Variants in ABTB2 observed in about 807,000 individuals in gnomAD.
The protein encoded by ABTB2 is ankyrin repeat and BTB/POZ domain-containing protein 2.
In ABTB2, 56 loss-of-function variants were observed where a neutral mutation model predicts 104.1. That is an observed-to-expected ratio of 0.54 (90% confidence interval 0.43 to 0.67). The LOEUF is 0.67. ABTB2 is among the 30% of genes least tolerant of loss of function. The pLI is 0.00. For missense variants in ABTB2, 1,279 were observed against 1,407.7 expected, an observed-to-expected ratio of 0.91 and a Z score of 1.46; for synonymous variants, 606 against 608.2, an observed-to-expected ratio of 1.00 and a Z score of 0.05.
At chr11:34,212,217 C>T (rs1211589009) in intron 1 of ABTB2, among the ~76,000 whole-genome samples, 4 of 151,980 alleles carry the variant, frequency 2.6e-5, no homozygotes, top group Admixed American at 6.6e-5. Context: ...CCACCATGCT[C>T]GGCTAATTTT....
chr11:34,342,494 A>G (rs754857569), intron 1 of ABTB2, among the ~76,000 whole-genome samples: 14 of 152,246 alleles, frequency 9.2e-5, no homozygotes, highest in Non-Finnish European at 1.8e-4. Flanking sequence ...TGAGGACTTC[A>G]GAGCTCAAAG....
chr11:34,204,784 C>G, intron 1 of ABTB2, 94 bp from the exon 2 acceptor site: 3 of 1,374,618 alleles, frequency 2.2e-6, no homozygotes, highest in Non-Finnish European at 3.0e-6. Flanking sequence ...CCCTGCTCCC[C>G]TGCTCTTGAC....
chr11:34,209,243 G>A (rs982625041), intron 1 of ABTB2, among the ~76,000 whole-genome samples: 1 of 151,966 alleles, frequency 6.6e-6, no homozygotes, highest in Non-Finnish European at 1.5e-5. Flanking sequence ...CTACTCAGGA[G>A]GCTGAGGTGA....
chr11:34,229,905 C>T (rs575322003), intron 1 of ABTB2, among the ~76,000 whole-genome samples: 28 of 152,166 alleles, frequency 1.8e-4, no homozygotes, highest in Non-Finnish European at 3.2e-4. Context: ...TTGGAACGGG[C>T]CTTTAAATGT....
chr11:34,345,638 C>T (rs1855322092), intron 1 of ABTB2, among the ~76,000 whole-genome samples: 1 of 152,024 alleles, frequency 6.6e-6, no homozygotes, highest in African/African-American at 2.4e-5. Context: ...CATTGCGATG[C>T]CTTCTCAGAG....
Position 34,197,317 on chromosome 11 carries a change from A to T in ABTB2, c.1244+8T>A. On this transcript the variant is annotated splice_region_variant and intron_variant, in intron 3 of 16. Coordinates refer to ENST00000435224, the MANE Select transcript of ABTB2 (RefSeq NM_145804.3). ...CCACCAGGTGCTCAGCCCAAGGAAG[A>T]TCCCTACCGTTCATTGTTCAAGGTC... The T allele has an allele frequency of 6.2e-7, 1 of 1,613,458 alleles. No individual in the cohort carries two copies. Among genetic ancestry groups the T allele is most frequent in the East Asian group, 2.2e-5 (1 of 44,830 alleles).
rs747191521 is a variant in ABTB2, at chr11:34,356,663, G to C, written c.883+38C>G. On this transcript the variant is annotated intron_variant, in intron 1 of 16. Coordinates refer to ENST00000435224, the MANE Select transcript of ABTB2 (RefSeq NM_145804.3). This position sits in a 1 kb window ranked among gnomAD's most constrained non-coding sequence, Gnocchi z 4.6. ...CCAGTAGCCCAGGGCGGGATTTCTT[G>C]CCTACCCAGTCTGCCAGTCCGAGGC... 6.6e-7 allele frequency: 1 copy of C among 1,516,316 alleles called. No individual in the cohort carries two copies. Among genetic ancestry groups the C allele is most frequent in the Non-Finnish European group, 8.9e-7 (1 of 1,124,038 alleles). The allele number at this position is 1,516,316 out of a possible 1,614,324, so 93.9% of individuals were successfully genotyped here. A position where few individuals can be genotyped will look rare whatever the true frequency, so the allele number is the denominator to read the frequency against.
chr11:34,339,325 G>A (rs1009053638), intron 1 of ABTB2, among the ~76,000 whole-genome samples: 31 of 152,218 alleles, frequency 2.0e-4, no homozygotes, highest in African/African-American at 7.5e-4. Context: ...GGGAAGAAGT[G>A]TGTGGGCTCA....
At chr11:34,277,124 A>G (rs1854390890) in intron 1 of ABTB2, among the ~76,000 whole-genome samples, 1 of 151,968 alleles carries the variant, frequency 6.6e-6, no homozygotes, top group Non-Finnish European at 1.5e-5. Flanking sequence ...CTGGTCTCGA[A>G]CTCCTGACCT....
chr11:34,272,962 C>T (rs759921134), intron 1 of ABTB2, among the ~76,000 whole-genome samples: 1 of 151,852 alleles, frequency 6.6e-6, no homozygotes, highest in South Asian at 2.1e-4. Context: ...GCCCTAGTCC[C>T]CTAATCTGTA....
At chr11:34,335,211 A>G in intron 1 of ABTB2, 1 of 1,273,570 alleles carries the variant, frequency 7.9e-7, no homozygotes, top group Middle Eastern at 1.9e-4. Flanking sequence ...ACTATGACGA[A>G]TCACTTTAAG....
At position 34,228,122 on chromosome 11, in the gene ABTB2, T is replaced by C. The variant is rs1853710732; in HGVS notation, c.884-23432A>G. On this transcript the variant is annotated intron_variant, in intron 1 of 16. Transcript: ENST00000435224. ...GTGGTGTAATCTTGGCTCAGTAGCA[T>C]GATCTTGGCTCACTGCAACCTCTGC... Among the ~76,000 whole-genome samples, 2 of 74,172 alleles carry C rather than the reference T, an allele frequency of 2.7e-5. 1 individual carries two copies. 48.7% of individuals were successfully genotyped at this position (74,172 alleles called of 152,430 possible). A position where few individuals can be genotyped will look rare whatever the true frequency, so the allele number is the denominator to read the frequency against.
At chr11:34,167,219 G>A (rs948598476) in intron 7 of ABTB2, 40 bp downstream of exon 7, 3 of 1,553,298 alleles carry the variant, frequency 1.9e-6, no homozygotes, top group Non-Finnish European at 2.6e-6. Flanking sequence ...AGGTCACCTG[G>A]TAAGCTGGGG....
intron 1 of ABTB2, among the ~76,000 whole-genome samples, chr11:34,328,348 G>A (rs1339219339): frequency 6.6e-6 from 1 of 152,188 alleles, no homozygotes; most frequent in African/African-American, 2.4e-5. Context: ...CGGAGTGAGG[G>A]ACGCAGGCTT....
At chr11:34,342,802 C>A (rs1043177394) in intron 1 of ABTB2, among the ~76,000 whole-genome samples, 2 of 152,172 alleles carry the variant, frequency 1.3e-5, no homozygotes, top group Middle Eastern at 3.4e-3. Context: ...CCTGCATGAC[C>A]GTGAGCAAGC....
chr11:34,193,672 G>T (rs891677729), intron 3 of ABTB2, among the ~76,000 whole-genome samples: 3 of 152,248 alleles, frequency 2.0e-5, no homozygotes, highest in Admixed American at 6.5e-5. Context: ...AAAGAAGGGC[G>T]TATGTTATCT....
At chr11:34,302,574 T>A (rs72914569) in intron 1 of ABTB2, among the ~76,000 whole-genome samples, 6,090 of 152,294 alleles carry the variant, frequency 0.04, 328 homozygotes, top group East Asian at 0.22. Context: ...AGGGTTGACC[T>A]GGGCCTGCTA....
intron 1 of ABTB2, among the ~76,000 whole-genome samples, chr11:34,218,420 T>C (rs2133048751): frequency 6.6e-6 from 1 of 152,088 alleles, no homozygotes; most frequent in South Asian, 2.1e-4. Context: ...CTTCTAGGAG[T>C]TTTATAGTTT....
intron 2 of ABTB2, among the ~76,000 whole-genome samples, chr11:34,201,541 G>A (rs1853338204): frequency 6.6e-6 from 1 of 152,192 alleles, no homozygotes; most frequent in African/African-American, 2.4e-5. Flanking sequence ...ATACAAGAGT[G>A]AAACTTCTCA....
Sources: allele counts gnomAD v4.1 joint callset (sites outside exome capture counted in the v4.1 genomes callset), GRCh38; gene constraint gnomAD v4.1.1; non-coding constraint Gnocchi (gnomAD v3.1); transcripts MANE v1.5; gene names NCBI Gene and HGNC (gene_info 2026-07-23, HGNC 2026-07-21).